The following ZDHHC2 variants were observed in gnomAD, a reference collection of about 807,000 sequenced individuals.
ZDHHC2 encodes the protein zDHHC palmitoyltransferase 2, also known as palmitoyltransferase ZDHHC2.
ZDHHC2 carries 51 observed loss-of-function variants against 55.6 expected under a neutral mutation model. The observed-to-expected ratio is 0.92, with a 90% CI of 0.73 to 1.16. The LOEUF is 1.16. Ranked by LOEUF, ZDHHC2 falls within the 50% of genes most tolerant of loss-of-function variation. The pLI is 0.00. For synonymous variants in ZDHHC2, 199 were observed against 152.9 expected (o/e 1.30, Z -2.22); for missense variants, 491 against 442.4 (o/e 1.11, Z -0.99).
chr8:17,210,261 A>C, intron 9 of ZDHHC2, 127 bp from the exon 10 acceptor site: 1 of 1,075,226 alleles, frequency 9.3e-7, no homozygotes, highest in Non-Finnish European at 1.3e-6. Flanking sequence ...TGTTGAGCTC[A>C]ATGTCTAATA....
rs545661232 is a variant in ZDHHC2, at chr8:17,204,914, C to A, written c.477-741C>A. 1.6e-3 allele frequency among the ~76,000 whole-genome samples: 249 copies of A among 152,154 alleles called. 3 individuals carry two copies. Among genetic ancestry groups the A allele is most frequent in the African/African-American group, 5.4e-3 (226 of 41,522 alleles). On this transcript the variant is annotated intron_variant, in intron 6 of 12. Coordinates refer to ENST00000262096, the MANE Select transcript of ZDHHC2 (RefSeq NM_016353.5). ...GTATTTGTACTTAGGTTTATTGATA[C>A]AATAGTTTGATTTGTCCCCCCTCAG...
At chr8:17,185,057 T>C (rs545059219) in intron 2 of ZDHHC2, among the ~76,000 whole-genome samples, 75 of 152,292 alleles carry the variant, frequency 4.9e-4, no homozygotes, top group African/African-American at 1.8e-3. Context: ...TATAGGGATA[T>C]CAACAATTTC....
At chr8:17,207,153 A>T (rs1184934963) in intron 7 of ZDHHC2, among the ~76,000 whole-genome samples, 3 of 152,166 alleles carry the variant, frequency 2.0e-5, no homozygotes, top group African/African-American at 7.2e-5. Flanking sequence ...AGGTCTTGTG[A>T]CCGGTGTCAT....
intron 1 of ZDHHC2, among the ~76,000 whole-genome samples, chr8:17,172,942 A>G (rs1314356760): frequency 6.6e-6 from 1 of 152,250 alleles, no homozygotes; most frequent in Non-Finnish European, 1.5e-5. Flanking sequence ...GTGCCCTGAA[A>G]TATGGCCAAA....
rs923497682 is a variant in ZDHHC2 at position 17,202,226 on chromosome 8, A to T, written c.477-3429A>T. ...GACAGAAGTAGAAATTGTTTGTCTC[A>T]TTTTATTTTATCTTATTTTTTTGAG... On this transcript the variant is annotated intron_variant, in intron 6 of 12. Transcript: ENST00000262096. Among the ~76,000 whole-genome samples the T allele has an allele frequency of 6.6e-5, 10 of 152,198 alleles. No individual in the cohort carries two copies. In the East Asian group the frequency reaches 1.5e-3, roughly 24 times the overall value.
chr8:17,207,836 AT>A (rs1429028084), intron 7 of ZDHHC2, 123 bp from the exon 8 acceptor site: 50 of 792,354 alleles, frequency 6.3e-5, no homozygotes, highest in African/African-American at 4.0e-4. Context: ...ATAAAGCCAC[AT>A]TTTTTTATAT....
rs768035743 is a variant in ZDHHC2, at chr8:17,156,841, C to T, written c.118C>T (p.Gln40Ter). The stretch of plus-strand genomic sequence containing the variant: ...CTGGTCCTACTACGCCTACGCCATC[C>T]AGCTGTGCATAGGTGAGTGCGCCCC... Reference protein sequence around the residue: ...LGWSYYAYAIQLCIVSMENTG... With the variant: ...LGWSYYAYAI The change falls in exon 1 of 13, where the codon CAG becomes TAG. Residue 40 changes from glutamine (Q) to a stop codon, truncating the protein, a stop_gained. Transcript: ENST00000262096. LOFTEE classifies it high-confidence loss of function. 2.6e-6 allele frequency: 4 copies of T among 1,517,014 alleles called. No individual in the cohort carries two copies. Among genetic ancestry groups the T allele is most frequent in the Non-Finnish European group, 1.8e-6 (2 of 1,130,946 alleles). The allele number at this position is 1,517,014 out of a possible 1,614,324, so 94.0% of individuals were successfully genotyped here.
At position 17,156,781 on chromosome 8, in the gene ZDHHC2, T is replaced by G. The variant is rs1204982280; in HGVS notation, c.58T>G (p.Trp20Gly). ...GCGGCGGTGCCGGCGGGTGCTGTAC[T>G]GGATCCCGGTGGTGTTCATCACCCT... ...ARRRCRRVLY[W>G]IPVVFITLLL... Residue 20 changes from tryptophan (W) to glycine (G), a missense_variant, in exon 1 of 13, where the codon TGG (tryptophan) becomes GGG (glycine). Transcript: ENST00000262096. 1 of 1,519,280 alleles carries G rather than the reference T, an allele frequency of 6.6e-7. No individual in the cohort carries two copies. Among genetic ancestry groups the G allele is most frequent in the Non-Finnish European group, 8.8e-7 (1 of 1,132,486 alleles). The allele number at this position is 1,519,280 out of a possible 1,614,324, so 94.1% of individuals were successfully genotyped here.
intron 1 of ZDHHC2, among the ~76,000 whole-genome samples, chr8:17,161,108 C>T (rs765908008): frequency 6.1e-4 from 93 of 152,212 alleles, no homozygotes; most frequent in Non-Finnish European, 1.2e-3. Context: ...ACAAACATCC[C>T]TAAGAACAAA....
chr8:17,161,454 G>A (rs1442966503), intron 1 of ZDHHC2, among the ~76,000 whole-genome samples: 1 of 152,174 alleles, frequency 6.6e-6, no homozygotes, highest in Non-Finnish European at 1.5e-5. Flanking sequence ...TTTGCCATTA[G>A]TTGGTTTTGC....
intron 1 of ZDHHC2, among the ~76,000 whole-genome samples, chr8:17,163,424 A>C (rs1274396060): frequency 6.6e-6 from 1 of 152,152 alleles, no homozygotes; most frequent in East Asian, 1.9e-4. Context: ...GCGGGGAAAA[A>C]AGACAAATGT....
intron 1 of ZDHHC2, among the ~76,000 whole-genome samples, chr8:17,164,914 T>G (rs1220022218): frequency 2.0e-5 from 3 of 152,122 alleles, no homozygotes; most frequent in African/African-American, 7.2e-5. Flanking sequence ...GTACATGGAG[T>G]AAGGTGACTT....
At chr8:17,215,372 G>A in intron 11 of ZDHHC2, 23 bp downstream of exon 11, 1 of 1,536,472 alleles carries the variant, frequency 6.5e-7, no homozygotes, top group Non-Finnish European at 8.8e-7. Flanking sequence ...TTGTTTGGCT[G>A]TTTTTTGACA....
At chr8:17,197,744 C>G in intron 5 of ZDHHC2, 93 bp downstream of exon 5, 4 of 1,332,692 alleles carry the variant, frequency 3.0e-6, no homozygotes, top group Non-Finnish European at 4.2e-6. Flanking sequence ...ATTATCTTCT[C>G]CATATTCTCG....
At chr8:17,170,495 C>G (rs986813012) in intron 1 of ZDHHC2, among the ~76,000 whole-genome samples, 8 of 152,066 alleles carry the variant, frequency 5.3e-5, no homozygotes, top group Admixed American at 3.9e-4. Context: ...ATTTTATGAA[C>G]CTAGAAATAA....
intron 3 of ZDHHC2, among the ~76,000 whole-genome samples, chr8:17,190,221 A>G (rs987013904): frequency 6.6e-6 from 1 of 151,772 alleles, no homozygotes; most frequent in Non-Finnish European, 1.5e-5. Context: ...GCACCACTGC[A>G]CTCCAGCCTG....
intron 1 of ZDHHC2, among the ~76,000 whole-genome samples, chr8:17,177,883 A>G (rs539109540): frequency 4.7e-4 from 71 of 152,264 alleles, no homozygotes; most frequent in Non-Finnish European, 9.3e-4. Context: ...TATGAGCAAT[A>G]AAGGTAAATT....
intron 2 of ZDHHC2, among the ~76,000 whole-genome samples, chr8:17,185,126 A>C (rs965376806): frequency 6.6e-6 from 1 of 152,198 alleles, no homozygotes; most frequent in African/African-American, 2.4e-5. Context: ...TATGAAAAAT[A>C]TTGTTGGCTT....
chr8:17,184,133 G>A (rs1001289777), intron 1 of ZDHHC2, among the ~76,000 whole-genome samples: 13 of 152,322 alleles, frequency 8.5e-5, no homozygotes, highest in African/African-American at 2.9e-4. Flanking sequence ...GCGTACATAT[G>A]TCTTGATTAC....
Sources: allele counts gnomAD v4.1 joint callset (sites outside exome capture counted in the v4.1 genomes callset), GRCh38; gene constraint gnomAD v4.1.1; transcripts MANE v1.5; gene names NCBI Gene and HGNC (gene_info 2026-07-23, HGNC 2026-07-21).